Variants in NPC1 observed in about 807,000 individuals in gnomAD.
NPC1 encodes Niemann-Pick C1 protein.
A neutral mutation model predicts 140.4 loss-of-function variants in NPC1; 85 were observed. The observed-to-expected ratio is 0.61, with a 90% CI of 0.51 to 0.72. The LOEUF is 0.72. Ranked by LOEUF, NPC1 falls within the 30% of genes least tolerant of loss-of-function variation. NPC1 has a pLI of 0.00. For synonymous variants in NPC1, 656 were observed against 624.8 expected (o/e 1.05, Z -0.74); for missense variants, 1,504 against 1,623.8 (o/e 0.93, Z 1.27).
Position 23,539,572 on chromosome 18 carries a change from T to C in NPC1, c.2796-102A>G, listed in dbSNP as rs2058683000. 4.6e-6 allele frequency: 4 copies of C among 873,658 alleles called. No individual in the cohort carries two copies. The South Asian group carries it at 4.7e-5, about 10-fold the overall frequency. 54.1% of individuals were successfully genotyped at this position (873,658 alleles called of 1,614,324 possible). On this transcript the variant is annotated intron_variant, in intron 18 of 24. Transcript: ENST00000269228. ...TAACTTCCTTTTCTACGTTTTATAC[T>C]GCTAACAGTCAAAAGAAAAACTACA...
Position 23,557,098 on chromosome 18 carries a change from C to T in NPC1, c.955+19G>A, listed in dbSNP as rs2145461537. 1 of 1,593,726 alleles carries T rather than the reference C, an allele frequency of 6.3e-7. No individual in the cohort carries two copies. Among genetic ancestry groups the T allele is most frequent in the Non-Finnish European group, 8.6e-7 (1 of 1,161,716 alleles). ...ACAGCATCATCTGAACCCTTTTATT[C>T]ATGGACAAATATGCCTACCTTTGTC... On this transcript the variant is annotated intron_variant, in intron 7 of 24. Transcript: ENST00000269228.
rs886053666 is a variant in NPC1, at chr18:23,544,948, C to A, written c.1947+12G>T. ...TAACCTCTAGAACATACACCACCCC[C>A]CCCCGGCTTACCAGAAGCCTGCGAC... is the stretch of plus-strand genomic sequence containing the variant. On this transcript the variant is annotated intron_variant, in intron 12 of 24. Coordinates refer to ENST00000269228, the MANE Select transcript of NPC1 (RefSeq NM_000271.5). 78 of 1,379,416 alleles carry A rather than the reference C, an allele frequency of 5.7e-5. 2 individuals are homozygous for A. The highest frequency in any genetic ancestry group is 1.2e-4 in the Admixed American group (7 of 56,796). The allele number at this position is 1,379,416 out of a possible 1,614,324, so 85.4% of individuals were successfully genotyped here.
downstream of NPC1, chr18:23,528,406 C>T (rs954439858): frequency 1.9e-5 from 3 of 154,424 alleles, no homozygotes; most frequent in Non-Finnish European, 4.3e-5. Flanking sequence ...CCAATTCCCG[C>T]TGTATTACTT....
In NPC1 at chr18:23,554,897, G is replaced by A. The variant is rs1428856270; in HGVS notation, c.1414C>T (p.Leu472Phe). The change falls in exon 9 of 25, where the codon CTT becomes TTT. Residue 472 changes from leucine to phenylalanine, a missense_variant. By Grantham distance (22) the Leu-to-Phe change is conservative (BLOSUM62 0). Coordinates refer to ENST00000269228, the MANE Select transcript of NPC1 (RefSeq NM_000271.5). The stretch of plus-strand genomic sequence containing the variant: ...GTGCAGTTCGTGTTATACGGTGAAA[G>A]AGGGGCCAAGCAGATGTCTTGAAGT... ...VTLQDICLAP[L>F]SPYNTNCTIL... The A allele has an allele frequency of 6.2e-7, 1 of 1,614,048 alleles. No individual in the cohort carries two copies. Among genetic ancestry groups the A allele is most frequent in the Non-Finnish European group, 8.5e-7 (1 of 1,179,982 alleles).
chr18:23,529,181 G>A (rs34222289), downstream of NPC1: 9,959 of 1,608,516 alleles, frequency 6.2e-3, 530 homozygotes, highest in African/African-American at 0.12. Context: ...TCTTTCAGGC[G>A]GTGGAAGCAG....
At chr18:23,567,389 T>C (rs1366743602) in intron 4 of NPC1, among the ~76,000 whole-genome samples, 2 of 152,224 alleles carry the variant, frequency 1.3e-5, no homozygotes, top group Non-Finnish European at 2.9e-5. Context: ...AATGACATAA[T>C]GTTGAGCATC....
chr18:23,534,792 G>GA (rs1489601371), intron 22 of NPC1, among the ~76,000 whole-genome samples: 1 of 152,160 alleles, frequency 6.6e-6, no homozygotes, highest in African/African-American at 2.4e-5. Flanking sequence ...CGTTTGTGTT[G>GA]ACCAGGAGAA....
intron 3 of NPC1, chr18:23,516,103 C>T (rs960162227): frequency 9.9e-6 from 15 of 1,519,678 alleles, no homozygotes; most frequent in African/African-American, 8.3e-5. Context: ...CTAGCCGTAA[C>T]GTCACCGCTC....
At chr18:23,515,284 G>A (rs909382680) in intron 3 of NPC1, among the ~76,000 whole-genome samples, 4 of 152,188 alleles carry the variant, frequency 2.6e-5, no homozygotes, top group African/African-American at 9.7e-5. Context: ...GCTTTGTTAA[G>A]GGGCAGGTTC....
chr18:23,507,101 A>C, intron 3 of NPC1: 2 of 1,344,040 alleles, frequency 1.5e-6, no homozygotes, highest in Non-Finnish European at 2.1e-6. Context: ...TTAGAAATAC[A>C]TTTGGAAGAG....
intron 23 of NPC1, chr18:23,533,972 A>G (rs1445011252): frequency 9.5e-6 from 3 of 314,990 alleles, no homozygotes; most frequent in East Asian, 8.2e-5. Flanking sequence ...CTCCCAATTG[A>G]TTATCTTTCT....
At chr18:23,573,151 T>C (rs1044162807) in intron 2 of NPC1, among the ~76,000 whole-genome samples, 2 of 152,224 alleles carry the variant, frequency 1.3e-5, no homozygotes, top group Admixed American at 6.5e-5. Context: ...TAACTTCTAA[T>C]ATATTTTGCA....
Position 23,568,984 on chromosome 18 carries a change from A to C in NPC1, c.302T>G (p.Phe101Cys), listed in dbSNP as rs548191894. The C allele has an allele frequency of 2.0e-5, 33 of 1,613,394 alleles. No individual in the cohort carries two copies. In the South Asian group the frequency reaches 3.2e-4, roughly 16 times the overall value. The change falls in exon 4 of 25, where the codon TTT becomes TGT. Residue 101 changes from phenylalanine (F) to cysteine (C), a missense_variant. Coordinates refer to ENST00000269228, the MANE Select transcript of NPC1 (RefSeq NM_000271.5). The stretch of plus-strand genomic sequence containing the variant: ...ACAAAACAGGTTCAGTAGGTTATAA[A>C]AACAGGATGGACATCTAAAGGAAAA... ...LQFLSRCPSC[F>C]YNLLNLFCEL... is the part of the protein sequence containing the mutation.
intron 16 of NPC1, 35 bp from the exon 17 acceptor site, chr18:23,540,572 C>G (rs768578869): frequency 2.1e-6 from 3 of 1,398,970 alleles, no homozygotes; most frequent in African/African-American, 2.8e-5. Flanking sequence ...ACAGAGACTG[C>G]TTAGTAAATA....
At chr18:23,523,543 CAAAAAAAAA>C (rs374224848) in intron 1 of NPC1, among the ~76,000 whole-genome samples, 1 of 76,408 alleles carries the variant, frequency 1.3e-5, no homozygotes, top group African/African-American at 5.7e-5. Context: ...CTTGTCTTCA[CAAAAAAAAA>C]AAAAAAAAAA....
At chr18:23,548,482 G>A (rs990051684) in intron 10 of NPC1, among the ~76,000 whole-genome samples, 2 of 151,778 alleles carry the variant, frequency 1.3e-5, no homozygotes, top group African/African-American at 4.8e-5. Context: ...GACCATCTGC[G>A]AATCTTTCCA....
chr18:23,527,954 T>C, downstream of NPC1: 1 of 1,403,226 alleles, frequency 7.1e-7, no homozygotes, highest in African/African-American at 1.4e-5. Context: ...CCCTCCCGGG[T>C]ATTTTCTAAG....
intron 16 of NPC1, 103 bp downstream of exon 16, chr18:23,540,965 A>G: frequency 7.5e-7 from 1 of 1,339,516 alleles, no homozygotes; most frequent in South Asian, 1.2e-5. Flanking sequence ...GATACATTTT[A>G]ACAGCTTTAA....
intron 6 of NPC1, among the ~76,000 whole-genome samples, chr18:23,559,281 G>A (rs1244221962): frequency 6.6e-6 from 1 of 152,114 alleles, no homozygotes; most frequent in Non-Finnish European, 1.5e-5. Context: ...AGTTCTAGAT[G>A]TACTATGAGT....
Sources: allele counts gnomAD v4.1 joint callset (sites outside exome capture counted in the v4.1 genomes callset), GRCh38; gene constraint gnomAD v4.1.1; transcripts MANE v1.5; gene names NCBI Gene and HGNC (gene_info 2026-07-23, HGNC 2026-07-21).